LARP1: variants seen among roughly 807,000 people sequenced by gnomAD.
The protein encoded by LARP1 is la-related protein 1.
LARP1 carries 36 observed loss-of-function variants against 122.7 expected under a neutral mutation model. That is an observed-to-expected ratio of 0.29 (90% confidence interval 0.22 to 0.39). The LOEUF (loss-of-function observed/expected upper bound fraction) is 0.39. Ranked by LOEUF, LARP1 falls within the 10% of genes least tolerant of loss-of-function variation. The pLI is 1.00. For synonymous variants in LARP1, 539 were observed against 528.7 expected (o/e 1.02, Z -0.27); for missense variants, 1,040 against 1,403.6 (o/e 0.74, Z 4.14).
At chr5:154,804,633 A>C (rs1433775737) in intron 14 of LARP1, 2 of 393,680 alleles carry the variant, frequency 5.1e-6, no homozygotes, top group Non-Finnish European at 9.7e-6. Flanking sequence ...GATTTCTGGC[A>C]GTCTCTCTGA....
chr5:154,693,345 C>T (rs1754311914), intron 1 of LARP1, among the ~76,000 whole-genome samples: 1 of 152,040 alleles, frequency 6.6e-6, no homozygotes, highest in Admixed American at 6.6e-5. Context: ...CCATGTTGCC[C>T]AGGCTCACAA....
intron 8 of LARP1, 49 bp from the exon 9 acceptor site, chr5:154,799,542 C>A (rs768523325): frequency 6.9e-6 from 11 of 1,592,914 alleles, no homozygotes; most frequent in Non-Finnish European, 9.4e-6. Context: ...CAAGATCTTT[C>A]TGTCCAAGAT....
At chr5:154,813,545 C>T (rs1303959451) in intron 18 of LARP1, among the ~76,000 whole-genome samples, 2 of 152,174 alleles carry the variant, frequency 1.3e-5, no homozygotes, top group Non-Finnish European at 2.9e-5. Context: ...TGGATAAAAG[C>T]CTGGCCTTTT....
At chr5:154,809,021 A>C (rs921884334) in intron 16 of LARP1, among the ~76,000 whole-genome samples, 1 of 152,136 alleles carries the variant, frequency 6.6e-6, no homozygotes, top group Non-Finnish European at 1.5e-5. Context: ...TATATTTTGG[A>C]GATCATTCTA....
chr5:154,698,858 T>C (rs1427396355), intron 1 of LARP1, among the ~76,000 whole-genome samples: 1 of 152,220 alleles, frequency 6.6e-6, no homozygotes, highest in African/African-American at 2.4e-5. Flanking sequence ...CTAAAATGAA[T>C]TCCCTTGACT....
rs1759563124 is a variant in LARP1 at position 154,814,888 on chromosome 5, C to T, written c.*792C>T. On this transcript the variant is annotated 3_prime_UTR_variant, in exon 19 of 19. Transcript: ENST00000518297. ...AAAAGAAGAAAAAAGACAAAATCGACCATAAAAGACCAAAAAAAAAAAAAA... is the reference window on the plus strand; with the variant it reads ...AAAAGAAGAAAAAAGACAAAATCGATCATAAAAGACCAAAAAAAAAAAAAA... 6.7e-6 allele frequency: 1 copy of T among 149,726 alleles called. No individual in the cohort carries two copies. The highest frequency in any genetic ancestry group is 1.5e-5 in the Non-Finnish European group (1 of 67,542). 9.3% of individuals were successfully genotyped at this position (149,726 alleles called of 1,614,324 possible).
intron 1 of LARP1, among the ~76,000 whole-genome samples, chr5:154,744,983 G>A (rs1196812568): frequency 6.7e-6 from 1 of 148,956 alleles, no homozygotes; most frequent in African/African-American, 2.5e-5. Context: ...CTGGAGTCCA[G>A]TGGCACCATC....
chr5:154,767,709 T>C (rs1351138743), intron 1 of LARP1, among the ~76,000 whole-genome samples: 1 of 152,206 alleles, frequency 6.6e-6, no homozygotes, highest in East Asian at 1.9e-4. Flanking sequence ...GAAGCAGAGC[T>C]CTCTCTGATT....
chr5:154,695,429 C>T (rs775504389), intron 1 of LARP1, among the ~76,000 whole-genome samples: 22 of 151,538 alleles, frequency 1.5e-4, no homozygotes, highest in Non-Finnish European at 2.7e-4. Flanking sequence ...GAGGCCGAGG[C>T]GGGCAGATCA....
At chr5:154,786,489 G>A (rs1756897761) in intron 1 of LARP1, 1 of 456,082 alleles carries the variant, frequency 2.2e-6, no homozygotes, top group Non-Finnish European at 4.4e-6. Flanking sequence ...ACCCTTTAGG[G>A]CTGGTTTGCC....
At chr5:154,740,114 G>A (rs1434672044) in intron 1 of LARP1, among the ~76,000 whole-genome samples, 1 of 147,826 alleles carries the variant, frequency 6.8e-6, no homozygotes, top group Non-Finnish European at 1.5e-5. Flanking sequence ...AAAAATAGCT[G>A]GGCGCGGTGG....
intron 2 of LARP1, 48 bp downstream of exon 2, chr5:154,790,434 G>A (rs776029788): frequency 9.0e-6 from 14 of 1,558,268 alleles, no homozygotes; most frequent in African/African-American, 2.7e-5. Flanking sequence ...GGAGTTGGTG[G>A]CCTCTTTCCT....
At chr5:154,721,015 A>G (rs563263652) in intron 1 of LARP1, among the ~76,000 whole-genome samples, 1 of 151,844 alleles carries the variant, frequency 6.6e-6, no homozygotes, top group South Asian at 2.1e-4. Flanking sequence ...AGTTCATTTC[A>G]GTGATTCATA....
chr5:154,693,239 GCAATCCTCC>G (rs997344049), intron 1 of LARP1, among the ~76,000 whole-genome samples: 1 of 149,890 alleles, frequency 6.7e-6, no homozygotes, highest in Non-Finnish European at 1.5e-5. Flanking sequence ...TTGGGCTCAA[GCAATCCTCC>G]CACCTCAGCC....
chr5:154,748,347 C>T (rs1310604241), intron 1 of LARP1, among the ~76,000 whole-genome samples: 1 of 152,144 alleles, frequency 6.6e-6, no homozygotes. Context: ...TTTAAGTCAC[C>T]ATTGATAAGT....
At chr5:154,797,017 C>G (rs2113805661) in intron 8 of LARP1, among the ~76,000 whole-genome samples, 1 of 152,142 alleles carries the variant, frequency 6.6e-6, no homozygotes, top group South Asian at 2.1e-4. Flanking sequence ...GTCAGTGGGA[C>G]CCTATACATT....
chr5:154,691,776 C>T (rs1754225430), intron 1 of LARP1, among the ~76,000 whole-genome samples: 1 of 151,428 alleles, frequency 6.6e-6, no homozygotes, highest in Non-Finnish European at 1.5e-5. Flanking sequence ...CGTTGTCAGG[C>T]ACAGCCCTGC....
chr5:154,746,185 T>G (rs543602968), intron 1 of LARP1, among the ~76,000 whole-genome samples: 1 of 152,212 alleles, frequency 6.6e-6, no homozygotes, highest in African/African-American at 2.4e-5. Flanking sequence ...AAGAGAACAA[T>G]GTGCTAGTGT....
intron 1 of LARP1, among the ~76,000 whole-genome samples, chr5:154,692,988 ATTATTT>A (rs1311019793): frequency 1.4e-5 from 2 of 141,976 alleles, no homozygotes; most frequent in Non-Finnish European, 3.0e-5. Flanking sequence ...TTAATTTTTA[ATTATTT>A]TTTTTTTTTT....
Sources: allele counts gnomAD v4.1 joint callset (sites outside exome capture counted in the v4.1 genomes callset), GRCh38; gene constraint gnomAD v4.1.1; transcripts MANE v1.5; gene names NCBI Gene and HGNC (gene_info 2026-07-23, HGNC 2026-07-21).